Variants in MSN observed in about 807,000 individuals in gnomAD.
MSN encodes epididymis luminal protein 70.
A neutral mutation model predicts 48.0 loss-of-function variants in MSN; 2 were observed. The ratio of observed to expected loss-of-function variants is 0.04; its 90% CI spans 0.02 to 0.13. The LOEUF (loss-of-function observed/expected upper bound fraction) is 0.13, where lower values mean the gene tolerates loss of function less well. MSN is among the 10% of genes least tolerant of loss of function. The pLI is 1.00. For missense variants in MSN, 267 were observed against 470.1 expected (o/e 0.57, Z 3.99); for synonymous variants, 146 against 166.9 (o/e 0.87, Z 0.97).
chrX:65,681,372 A>G (rs770804421), intron 1 of MSN, among the ~76,000 whole-genome samples: 7 of 111,869 alleles, frequency 6.3e-5, no homozygotes, highest in Non-Finnish European at 1.1e-4. Context: ...GCCATTCTCC[A>G]GGTGGAGGTG....
chrX:65,726,289 A>G (rs945819649), intron 2 of MSN, among the ~76,000 whole-genome samples: 4 of 111,808 alleles, frequency 3.6e-5, no homozygotes. Flanking sequence ...TGGCATTAGG[A>G]CATAGCATGC....
intron 1 of MSN, among the ~76,000 whole-genome samples, chrX:65,699,655 A>G (rs1355216481): frequency 9.4e-6 from 1 of 106,581 alleles, no homozygotes; most frequent in Admixed American, 1.0e-4. Context: ...AGGCTGAGGC[A>G]GGAGAATGGC....
At chrX:65,660,845 G>A (rs966207189) in intron 1 of MSN, among the ~76,000 whole-genome samples, 1 of 112,215 alleles carries the variant, frequency 8.9e-6, no homozygotes, top group Non-Finnish European at 1.9e-5. Flanking sequence ...GATTGTAGGC[G>A]TGGGCCACCG....
At chrX:65,693,584 T>C (rs1232036489) in intron 1 of MSN, among the ~76,000 whole-genome samples, 3 of 111,981 alleles carry the variant, frequency 2.7e-5, no homozygotes, top group African/African-American at 9.7e-5. Flanking sequence ...TGCGATTTTT[T>C]TGGGGGGCCT....
At chrX:65,592,416 G>A (rs1468894712) in intron 1 of MSN, among the ~76,000 whole-genome samples, 3 of 108,036 alleles carry the variant, frequency 2.8e-5, no homozygotes, top group African/African-American at 6.7e-5. Context: ...GGCTGGTCTC[G>A]AACTCCTGAC....
At chrX:65,736,086 T>C (rs1389210891) in intron 8 of MSN, among the ~76,000 whole-genome samples, 1 of 112,197 alleles carries the variant, frequency 8.9e-6, no homozygotes, top group Non-Finnish European at 1.9e-5. Context: ...TGAGGACTGA[T>C]GCACTAGCCG....
chrX:65,617,794 A>G (rs1339376804), intron 1 of MSN, among the ~76,000 whole-genome samples: 4 of 106,222 alleles, frequency 3.8e-5, no homozygotes, highest in African/African-American at 1.4e-4. Flanking sequence ...TTTAATTGTG[A>G]TGTTAGGGTG....
intron 2 of MSN, among the ~76,000 whole-genome samples, chrX:65,725,460 CTT>C (rs1308068620): frequency 4.6e-5 from 5 of 109,821 alleles, no homozygotes; most frequent in African/African-American, 1.7e-4. Flanking sequence ...TGGATCTTGC[CTT>C]TTCCCACCAA....
At chrX:65,737,695 C>G (rs2071691889) in intron 10 of MSN, among the ~76,000 whole-genome samples, 1 of 112,101 alleles carries the variant, frequency 8.9e-6, no homozygotes, top group Non-Finnish European at 1.9e-5. Flanking sequence ...TTTCTTCTTC[C>G]CAGTAACCCT....
chrX:65,681,589 G>T (rs1390987794), intron 1 of MSN, among the ~76,000 whole-genome samples: 3 of 112,428 alleles, frequency 2.7e-5, no homozygotes, highest in Non-Finnish European at 5.6e-5. Flanking sequence ...TGTAAGTACA[G>T]AGAAAGCCTA....
At position 65,735,366 on chromosome X, in the gene MSN, A is replaced by T; in HGVS notation, c.895A>T (p.Thr299Ser). The stretch of plus-strand genomic sequence containing the variant: ...ATACATGCGCCGTCGCAAGCCTGAT[A>T]CCATTGAGGTGCAGCAGATGAAGGC... ...ELYMRRRKPD[T>S]IEVQQMKAQA... is the part of the protein sequence containing the mutation. The change falls in exon 8 of 13, where the codon ACC becomes TCC. Residue 299 changes from threonine (T) to serine (S), a missense_variant. This residue lies in a region of MSN where 58 missense variants were observed against 104.6 expected (regional missense o/e 0.55). Transcript: ENST00000360270. 1.7e-6 allele frequency: 2 copies of T among 1,209,834 alleles called. No individual in the cohort carries two copies. Among genetic ancestry groups the T allele is most frequent in the Non-Finnish European group, 2.2e-6 (2 of 894,562 alleles).
At chrX:65,616,229 C>T (rs2070370303) in intron 1 of MSN, among the ~76,000 whole-genome samples, 2 of 108,517 alleles carry the variant, frequency 1.8e-5, no homozygotes, top group Non-Finnish European at 3.8e-5. Flanking sequence ...GTGGTTTTTT[C>T]CAATTCTGTG....
intron 1 of MSN, among the ~76,000 whole-genome samples, chrX:65,632,675 T>C (rs1237210934): frequency 8.9e-6 from 1 of 111,830 alleles, no homozygotes; most frequent in African/African-American, 3.3e-5. Flanking sequence ...GTGATGTCTC[T>C]TTGTATGACT....
chrX:65,605,805 C>G (rs905502437), intron 1 of MSN, among the ~76,000 whole-genome samples: 5 of 112,000 alleles, frequency 4.5e-5, no homozygotes, highest in Non-Finnish European at 9.4e-5. Flanking sequence ...CAGGCATCAG[C>G]TCAGATATTC....
intron 1 of MSN, among the ~76,000 whole-genome samples, chrX:65,660,568 CT>C (rs1294905291): frequency 0.03 from 2,815 of 93,637 alleles, 62 homozygotes; most frequent in African/African-American, 0.071. Flanking sequence ...TGTTCCAGTT[CT>C]TTTTTTTTTT....
At chrX:65,644,071 CCT>C (rs2070677825) in intron 1 of MSN, among the ~76,000 whole-genome samples, 1 of 111,956 alleles carries the variant, frequency 8.9e-6, no homozygotes, top group Non-Finnish European at 1.9e-5. Flanking sequence ...CCTTGTTCTG[CCT>C]CTCTCACTGG....
intron 1 of MSN, among the ~76,000 whole-genome samples, chrX:65,657,359 T>G (rs1166796986): frequency 9.1e-6 from 1 of 109,922 alleles, no homozygotes; most frequent in African/African-American, 3.3e-5. Context: ...TGGATGCGGA[T>G]GGTTCACAGA....
intron 1 of MSN, among the ~76,000 whole-genome samples, chrX:65,706,865 G>C: frequency 9.0e-6 from 1 of 111,714 alleles, no homozygotes; most frequent in Non-Finnish European, 1.9e-5. Context: ...TATGAAGTGG[G>C]GATGGTAATG....
At chrX:65,639,772 G>T (rs937469319) in intron 1 of MSN, among the ~76,000 whole-genome samples, 1 of 111,911 alleles carries the variant, frequency 8.9e-6, no homozygotes, top group Non-Finnish European at 1.9e-5. Flanking sequence ...ATGTCGGAGG[G>T]AGTAGAAATT....
Sources: allele counts gnomAD v4.1 joint callset (sites outside exome capture counted in the v4.1 genomes callset), GRCh38; gene constraint gnomAD v4.1.1; regional missense constraint gnomAD v4.1.1; transcripts MANE v1.5; gene names NCBI Gene and HGNC (gene_info 2026-07-23, HGNC 2026-07-21).